CNTNAP2: variants seen among roughly 807,000 people sequenced by gnomAD.
CNTNAP2 encodes the protein contactin-associated protein-like 2.
Under a neutral mutation model 155.2 loss-of-function variants are expected in CNTNAP2, and 98 were observed. That is an observed-to-expected ratio of 0.63 (90% CI 0.54 to 0.75). The LOEUF (loss-of-function observed/expected upper bound fraction) is 0.75, where lower values mean the gene tolerates loss of function less well. Among genes scored for constraint, CNTNAP2 ranks in the 30% least tolerant of loss-of-function variants. The pLI is 0.00. For missense variants in CNTNAP2, 1,727 were observed against 1,688.1 expected, an observed-to-expected ratio of 1.02 and a Z score of -0.40; for synonymous variants, 651 against 631.2, an observed-to-expected ratio of 1.03 and a Z score of -0.47.
At chr7:146,543,086 C>CTT (rs1209996731) in intron 1 of CNTNAP2, among the ~76,000 whole-genome samples, 6 of 151,844 alleles carry the variant, frequency 4.0e-5, no homozygotes, top group African/African-American at 1.5e-4. Flanking sequence ...AATGATAAAA[C>CTT]TATGTCAGAT....
At chr7:147,800,366 A>AT (rs369053565) in intron 13 of CNTNAP2, among the ~76,000 whole-genome samples, 259 of 150,380 alleles carry the variant, frequency 1.7e-3, no homozygotes, top group African/African-American at 5.2e-3. Context: ...AGGAAATGAG[A>AT]TTTTTTTTTT....
At position 147,797,076 on chromosome 7, in the gene CNTNAP2, C is replaced by T. The variant is rs181995803; in HGVS notation, c.2099-106489C>T. Among the ~76,000 whole-genome samples, 48 of 152,278 alleles carry T rather than the reference C, an allele frequency of 3.2e-4. 2 individuals are homozygous for T. In the East Asian group the frequency reaches 9.3e-3, roughly 29 times the overall value. ...TTCTCTGAGTGTCAGTCCCTCTCAA[C>T]TAGTTCTTACTTAGTCCCACCCTGA... On this transcript the variant is annotated intron_variant, in intron 13 of 23. Coordinates refer to ENST00000361727, the MANE Select transcript of CNTNAP2 (RefSeq NM_014141.6).
At chr7:148,270,557 G>A (rs1296979492) in intron 21 of CNTNAP2, among the ~76,000 whole-genome samples, 1 of 152,122 alleles carries the variant, frequency 6.6e-6, no homozygotes, top group African/African-American at 2.4e-5. Flanking sequence ...TACTAACAAG[G>A]AGCAAGTGCT....
chr7:146,774,220 T>C (rs899663772), intron 1 of CNTNAP2, 51 bp from the exon 2 acceptor site: 5 of 1,326,864 alleles, frequency 3.8e-6, no homozygotes, highest in East Asian at 2.3e-5. Flanking sequence ...CCAATCGTTA[T>C]TTCGAAATCG....
At chr7:147,477,544 C>T (rs575316493) in intron 10 of CNTNAP2, among the ~76,000 whole-genome samples, 50 of 152,276 alleles carry the variant, frequency 3.3e-4, no homozygotes, top group African/African-American at 1.2e-3. Flanking sequence ...CCTATTACTA[C>T]CTTAATATTT....
chr7:146,119,544 A>T (rs1797533441), intron 1 of CNTNAP2, among the ~76,000 whole-genome samples: 1 of 152,148 alleles, frequency 6.6e-6, no homozygotes, highest in South Asian at 2.1e-4. Flanking sequence ...CCCTTCCTGT[A>T]AATGTAGATA....
chr7:146,778,689 T>G (rs746833796), intron 2 of CNTNAP2, among the ~76,000 whole-genome samples: 5 of 152,214 alleles, frequency 3.3e-5, no homozygotes, highest in Non-Finnish European at 5.9e-5. Flanking sequence ...TTTTACAGAT[T>G]ATAAACTGCT....
chr7:147,358,080 A>T (rs1796092641), intron 9 of CNTNAP2, among the ~76,000 whole-genome samples: 1 of 152,166 alleles, frequency 6.6e-6, no homozygotes, highest in South Asian at 2.1e-4. Context: ...GATATCATGC[A>T]TTTAAAAATT....
In CNTNAP2 at chr7:147,087,329, G is replaced by A. The variant is rs374575072; in HGVS notation, c.551-20818G>A. ...GCAGAGTGGGGAGTGGAAAATCACT[G>A]AAAAAAGAGGACACCGAAGAGACAC... On this transcript the variant is annotated intron_variant, in intron 4 of 23. Coordinates refer to ENST00000361727, the MANE Select transcript of CNTNAP2 (RefSeq NM_014141.6). Among the ~76,000 whole-genome samples, 16 of 152,166 alleles carry A rather than the reference G, an allele frequency of 1.1e-4. No individual in the cohort carries two copies. In the East Asian group the frequency reaches 2.7e-3, roughly 26 times the overall value.
intron 1 of CNTNAP2, among the ~76,000 whole-genome samples, chr7:146,161,165 A>G (rs1405674045): frequency 6.6e-6 from 1 of 152,216 alleles, no homozygotes; most frequent in Non-Finnish European, 1.5e-5. Flanking sequence ...TCATGCTAAA[A>G]ACTCTCAATA....
intron 20 of CNTNAP2, among the ~76,000 whole-genome samples, chr7:148,253,055 T>TAGATAGATAGATAGATAGATAGATA (rs57134961): frequency 7.2e-6 from 1 of 138,692 alleles, no homozygotes; most frequent in African/African-American, 2.6e-5. Flanking sequence ...GATAGACAGA[T>TAGATAGATAGATAGATAGATAGATA]GATAGATAGA....
rs1219241375 is a variant in CNTNAP2, at chr7:148,418,849, T to C, written c.*3233T>C. The C allele has an allele frequency of 2.6e-5, 4 of 152,230 alleles. No individual in the cohort carries two copies. The highest frequency in any genetic ancestry group is 5.9e-5 in the Non-Finnish European group (4 of 68,042). 9.4% of individuals were successfully genotyped at this position (152,230 alleles called of 1,614,324 possible). On this transcript the variant is annotated 3_prime_UTR_variant, in exon 24 of 24. Transcript: ENST00000361727. ...CCCTGCATTTGACAAACAAGCATCC[T>C]TTACTAACAAGAGCAGGAATTCAGA... is the stretch of plus-strand genomic sequence containing the variant.
intron 3 of CNTNAP2, among the ~76,000 whole-genome samples, chr7:147,014,159 A>G (rs1798677138): frequency 6.6e-6 from 1 of 152,170 alleles, no homozygotes; most frequent in Non-Finnish European, 1.5e-5. Context: ...TATGCTGTCT[A>G]TGCTCATTTT....
intron 3 of CNTNAP2, among the ~76,000 whole-genome samples, chr7:146,889,274 T>G (rs1216176888): frequency 6.6e-6 from 1 of 152,182 alleles, no homozygotes; most frequent in African/African-American, 2.4e-5. Flanking sequence ...TATTTCTTCC[T>G]AGGGTCATTG....
chr7:148,166,662 GA>G (rs1035927105), intron 17 of CNTNAP2, among the ~76,000 whole-genome samples: 2 of 152,028 alleles, frequency 1.3e-5, no homozygotes, highest in Non-Finnish European at 2.9e-5. Flanking sequence ...CATTTCACAA[GA>G]AAAAATGATT....
chr7:147,200,070 C>A (rs936614269), intron 8 of CNTNAP2, among the ~76,000 whole-genome samples: 1 of 151,966 alleles, frequency 6.6e-6, no homozygotes, highest in Non-Finnish European at 1.5e-5. Flanking sequence ...TCCCCCTCCC[C>A]CTCCTCCTTT....
At chr7:146,914,120 A>T (rs981854947) in intron 3 of CNTNAP2, among the ~76,000 whole-genome samples, 2 of 152,044 alleles carry the variant, frequency 1.3e-5, no homozygotes, top group Admixed American at 6.6e-5. Flanking sequence ...ATGTTTTTTT[A>T]AAACATTATT....
intron 10 of CNTNAP2, among the ~76,000 whole-genome samples, chr7:147,470,100 C>A (rs1339958631): frequency 3.9e-5 from 6 of 152,144 alleles, no homozygotes; most frequent in Admixed American, 3.3e-4. Context: ...TGTAAGCTTT[C>A]TTTTACTCAG....
chr7:148,151,162 A>AGGAGCAGGG (rs1805288934), intron 17 of CNTNAP2, among the ~76,000 whole-genome samples: 1 of 152,130 alleles, frequency 6.6e-6, no homozygotes, highest in South Asian at 2.1e-4. Context: ...CCAATTGAGA[A>AGGAGCAGGG]ACCACTGACA....
Sources: gnomAD v4.1 joint callset for allele counts (sites outside exome capture counted in the v4.1 genomes callset) on GRCh38, gnomAD v4.1.1 for gene constraint, MANE v1.5 for transcripts, NCBI Gene and HGNC (gene_info 2026-07-23, HGNC 2026-07-21) for gene names.